RUNX1: variants seen among roughly 807,000 people sequenced by gnomAD.
RUNX1 encodes the protein runt-related transcription factor 1.
In RUNX1, 19 loss-of-function variants were observed where a neutral mutation model predicts 42.8. The observed-to-expected ratio is 0.44, with a 90% CI of 0.31 to 0.65. RUNX1 has a LOEUF of 0.65. RUNX1 is among the 30% of genes least tolerant of loss of function. The pLI, the probability that RUNX1 is intolerant of heterozygous loss-of-function variation, is 0.07. For missense variants in RUNX1, 528 were observed against 672.0 expected (o/e 0.79, Z 2.37); for synonymous variants, 271 against 289.4 (o/e 0.94, Z 0.64).
chr21:34,928,641 C>T (rs2058414936), intron 2 of RUNX1, among the ~76,000 whole-genome samples: 1 of 150,946 alleles, frequency 6.6e-6, no homozygotes, highest in Admixed American at 6.6e-5. Flanking sequence ...GATCGCGCCA[C>T]TGCACTCCAG....
chr21:34,961,393 T>TAAC (rs976462221), intron 2 of RUNX1, among the ~76,000 whole-genome samples: 1 of 151,700 alleles, frequency 6.6e-6, no homozygotes, highest in East Asian at 1.9e-4. Context: ...ATAATAATAA[T>TAAC]AACAATAACA....
At chr21:34,965,427 A>G (rs2058711944) in intron 2 of RUNX1, among the ~76,000 whole-genome samples, 2 of 152,164 alleles carry the variant, frequency 1.3e-5, no homozygotes, top group South Asian at 2.1e-4. Flanking sequence ...GTAGGGCCAG[A>G]TACTTCCGTT....
At chr21:34,863,014 T>C (rs2834654) in intron 5 of RUNX1, among the ~76,000 whole-genome samples, 109,643 of 151,988 alleles carry the variant, frequency 0.72, 40,658 homozygotes, top group East Asian at 0.88. Context: ...GTGTAGAACT[T>C]ACAACTTTTT....
intron 2 of RUNX1, among the ~76,000 whole-genome samples, chr21:34,937,772 G>A (rs746819490): frequency 1.8e-4 from 27 of 151,596 alleles, no homozygotes; most frequent in Non-Finnish European, 3.2e-4. Flanking sequence ...GAACATCCCC[G>A]CTGACCCAGT....
At chr21:34,856,365 C>T (rs1213379243) in intron 6 of RUNX1, 4 of 519,004 alleles carry the variant, frequency 7.7e-6, no homozygotes, top group East Asian at 5.4e-5. Context: ...AGACAGTCTT[C>T]GAGATGAGCC....
intron 6 of RUNX1, among the ~76,000 whole-genome samples, chr21:34,849,101 G>C (rs2057357405): frequency 1.3e-5 from 2 of 149,142 alleles, no homozygotes; most frequent in South Asian, 4.2e-4. Flanking sequence ...GTCAATAATT[G>C]CTTTAATGGA....
chr21:34,792,078 CGCG>C lies in RUNX1; in HGVS notation c.*54_*56del, dbSNP rs1377477057. ...GGGCTTGTCGCGAACAGGAGGCCCG[CGCG>C]CCCGGAGGCGAAGGCGGCGGCCCGC... On this transcript the variant is annotated 3_prime_UTR_variant, in exon 9 of 9. Transcript: ENST00000675419. This position sits in a 1 kb window ranked among gnomAD's most constrained non-coding sequence, Gnocchi z 6.9. 38 of 1,125,632 alleles carry C rather than the reference CGCG, an allele frequency of 3.4e-5. 2 individuals carry two copies. The East Asian group carries it at 1.4e-3, about 40-fold the overall frequency. The allele number at this position is 1,125,632 out of a possible 1,614,324, so 69.7% of individuals were successfully genotyped here. A position where few individuals can be genotyped will look rare whatever the true frequency, so the allele number is the denominator to read the frequency against.
intron 2 of RUNX1, among the ~76,000 whole-genome samples, chr21:34,936,641 G>C (rs774259262): frequency 1.3e-5 from 2 of 152,182 alleles, no homozygotes; most frequent in Non-Finnish European, 2.9e-5. Flanking sequence ...CAAAGCAAAA[G>C]AAAGTCTCAG....
At chr21:34,985,929 A>G (rs1459666328) in intron 2 of RUNX1, among the ~76,000 whole-genome samples, 1 of 146,952 alleles carries the variant, frequency 6.8e-6, no homozygotes, top group African/African-American at 2.5e-5. Flanking sequence ...CTGGAGTACA[A>G]TAGCACGATC....
intron 2 of RUNX1, among the ~76,000 whole-genome samples, chr21:34,917,856 C>T (rs1175070785): frequency 6.6e-6 from 1 of 151,864 alleles, no homozygotes; most frequent in Non-Finnish European, 1.5e-5. Flanking sequence ...CTTGGCCGGG[C>T]GTAGTGGCTC....
At chr21:34,880,409 TA>T (rs2057879359) in intron 5 of RUNX1, 147 bp downstream of exon 5, 1 of 730,422 alleles carries the variant, frequency 1.4e-6, no homozygotes. Flanking sequence ...AAACTTCAAA[TA>T]AATATTTTTA....
At chr21:34,906,898 T>C (rs1204751993) in intron 2 of RUNX1, among the ~76,000 whole-genome samples, 4 of 152,218 alleles carry the variant, frequency 2.6e-5, no homozygotes, top group Admixed American at 2.0e-4. Flanking sequence ...CCCATCTCAG[T>C]TTGGGTTTGA....
intron 7 of RUNX1, among the ~76,000 whole-genome samples, chr21:34,805,402 T>A (rs2056665506): frequency 6.6e-6 from 1 of 151,904 alleles, no homozygotes; most frequent in African/African-American, 2.4e-5. Context: ...AAATACCAAA[T>A]CTACACCCAG....
intron 2 of RUNX1, among the ~76,000 whole-genome samples, chr21:34,950,497 G>C (rs771799201): frequency 3.9e-5 from 6 of 152,122 alleles, no homozygotes; most frequent in Non-Finnish European, 8.8e-5. Context: ...CCAGCACTTT[G>C]GGAGGCCGAG....
chr21:34,861,638 C>T (rs893855609), intron 5 of RUNX1, among the ~76,000 whole-genome samples: 20 of 152,284 alleles, frequency 1.3e-4, no homozygotes, highest in Admixed American at 8.5e-4. Flanking sequence ...TCCCAGTGTG[C>T]ACCCTCCGAG....
intron 2 of RUNX1, among the ~76,000 whole-genome samples, chr21:34,924,608 A>C (rs2058379375): frequency 6.6e-6 from 1 of 152,210 alleles, no homozygotes; most frequent in Admixed American, 6.5e-5. Flanking sequence ...TCACTGAAAA[A>C]GTCTCCTTGG....
intron 2 of RUNX1, among the ~76,000 whole-genome samples, chr21:34,953,406 T>C (rs535519703): frequency 1.3e-5 from 2 of 152,204 alleles, no homozygotes; most frequent in Non-Finnish European, 2.9e-5. Context: ...GGAAGCTTTC[T>C]AAAGGGCCTT....
intron 2 of RUNX1, among the ~76,000 whole-genome samples, chr21:35,034,811 G>A (rs1282414181): frequency 6.6e-6 from 1 of 152,154 alleles, no homozygotes; most frequent in Non-Finnish European, 1.5e-5. Flanking sequence ...TTGACCATGG[G>A]AGCTGAGTAA....
At chr21:34,831,180 C>T (rs1261167195) in intron 7 of RUNX1, among the ~76,000 whole-genome samples, 2 of 152,144 alleles carry the variant, frequency 1.3e-5, no homozygotes, top group Admixed American at 1.3e-4. Flanking sequence ...CTGGGAGAAA[C>T]GTGTAGCCCA....
Sources: allele counts gnomAD v4.1 joint callset (sites outside exome capture counted in the v4.1 genomes callset), GRCh38; gene constraint gnomAD v4.1.1; non-coding constraint Gnocchi (gnomAD v3.1); transcripts MANE v1.5; gene names NCBI Gene and HGNC (gene_info 2026-07-23, HGNC 2026-07-21).